The following CALN1 variants were observed in gnomAD, a reference collection of about 807,000 sequenced individuals.
CALN1 encodes calcium-binding protein 8.
CALN1 carries 17 observed loss-of-function variants against 30.6 expected under a neutral mutation model. The observed-to-expected ratio is 0.56, with a 90% CI of 0.38 to 0.83. The LOEUF (loss-of-function observed/expected upper bound fraction) is 0.83, where lower values mean the gene tolerates loss of function less well. Ranked by LOEUF, CALN1 falls within the 40% of genes least tolerant of loss-of-function variation. The pLI is 0.00. For synonymous variants in CALN1, 156 were observed against 131.4 expected (o/e 1.19, Z -1.28); for missense variants, 291 against 354.9 (o/e 0.82, Z 1.45).
At chr7:72,499,698 A>T in the CALN1 span, among the ~76,000 whole-genome samples, 1 of 152,130 alleles carries the variant, frequency 6.6e-6, no homozygotes, top group Non-Finnish European at 1.5e-5. Context: ...ATATAAAAGA[A>T]TCTATAAAAA....
chr7:71,909,974 TAAAGGAGAAGC>T (rs891583759), intron 5 of CALN1, among the ~76,000 whole-genome samples: 4 of 152,110 alleles, frequency 2.6e-5, no homozygotes, highest in Non-Finnish European at 4.4e-5. Context: ...TGGTGTAAGG[TAAAGGAGAAGC>T]AAAGGCACAT....
At chr7:72,405,904 T>G (rs1301031050) in intron 1 of CALN1, among the ~76,000 whole-genome samples, 1 of 152,184 alleles carries the variant, frequency 6.6e-6, no homozygotes, top group Non-Finnish European at 1.5e-5. Context: ...AGTGTGGACA[T>G]CAGAGCAAGG....
chr7:71,920,903 T>A (rs1228787719), intron 5 of CALN1, among the ~76,000 whole-genome samples: 1 of 152,192 alleles, frequency 6.6e-6, no homozygotes, highest in South Asian at 2.1e-4. Flanking sequence ...TACACATGCA[T>A]ACGTATGTTT....
intron 3 of CALN1, among the ~76,000 whole-genome samples, chr7:72,133,469 G>A (rs555032319): frequency 6.6e-6 from 1 of 152,298 alleles, no homozygotes; most frequent in East Asian, 1.9e-4. Context: ...TTGAAAAGAT[G>A]GTGGACTTAG....
chr7:72,182,131 A>G (rs896737084), intron 3 of CALN1, among the ~76,000 whole-genome samples: 6 of 152,220 alleles, frequency 3.9e-5, no homozygotes, highest in Admixed American at 3.9e-4. Flanking sequence ...GAAGAGATTC[A>G]AGGTGAGCCC....
intron 5 of CALN1, among the ~76,000 whole-genome samples, chr7:72,000,705 T>C (rs1799482249): frequency 6.6e-6 from 1 of 151,968 alleles, no homozygotes; most frequent in Middle Eastern, 3.4e-3. Context: ...CAAGGCCTCA[T>C]AACAAAACCA....
chr7:72,174,523 G>A (rs1055211119), intron 3 of CALN1, among the ~76,000 whole-genome samples: 6 of 152,070 alleles, frequency 3.9e-5, no homozygotes, highest in African/African-American at 1.4e-4. Flanking sequence ...CCATCAACAG[G>A]TGGATGGATA....
intron 3 of CALN1, among the ~76,000 whole-genome samples, chr7:72,142,673 C>T (rs956374532): frequency 1.3e-5 from 2 of 152,318 alleles, no homozygotes; most frequent in East Asian, 1.9e-4. Context: ...GAACAGACTG[C>T]CTCCTCAAGT....
intron 4 of CALN1, among the ~76,000 whole-genome samples, chr7:72,061,272 CCTG>C (rs1330919022): frequency 1.3e-5 from 2 of 152,076 alleles, no homozygotes; most frequent in African/African-American, 4.8e-5. Flanking sequence ...GAAAATTTGA[CCTG>C]TATAAGAAAA....
At chr7:71,903,358 T>A (rs965366197) in intron 5 of CALN1, among the ~76,000 whole-genome samples, 4 of 152,060 alleles carry the variant, frequency 2.6e-5, no homozygotes, top group African/African-American at 9.7e-5. Context: ...AATAGACACA[T>A]AGACCCAAGG....
intron 5 of CALN1, among the ~76,000 whole-genome samples, chr7:72,014,213 G>A (rs367926326): frequency 2.6e-5 from 4 of 151,312 alleles, no homozygotes; most frequent in African/African-American, 9.7e-5. Context: ...CAGCCTCCCA[G>A]GTAGCTGGGA....
At chr7:71,984,155 A>T (rs1798544553) in intron 5 of CALN1, among the ~76,000 whole-genome samples, 1 of 152,180 alleles carries the variant, frequency 6.6e-6, no homozygotes, top group African/African-American at 2.4e-5. Context: ...GTGAAACAGC[A>T]CAGATGAGCC....
At chr7:72,050,079 A>G (rs1235293382) in intron 4 of CALN1, among the ~76,000 whole-genome samples, 1 of 151,910 alleles carries the variant, frequency 6.6e-6, no homozygotes, top group African/African-American at 2.4e-5. Context: ...TCGGCCTCCC[A>G]AAGTGCTGGG....
intron 2 of CALN1, among the ~76,000 whole-genome samples, chr7:72,323,670 A>AAT (rs778646972): frequency 0.057 from 8,654 of 150,772 alleles, 344 homozygotes; most frequent in South Asian, 0.1. Context: ...TCAAAAAAAA[A>AAT]AAAATAAAAA....
rs369681182 is a variant in CALN1, at chr7:71,951,612, AAAC to A, written c.501+72042_501+72044del. Among the ~76,000 whole-genome samples the A allele has an allele frequency of 5.8e-3, 878 of 152,232 alleles. 3 individuals are homozygous for A. The highest frequency in any genetic ancestry group is 9.4e-3 in the Non-Finnish European group (641 of 68,008). On this transcript the variant is annotated intron_variant, in intron 5 of 6. Coordinates refer to ENST00000395275, the MANE Select transcript of CALN1 (RefSeq NM_031468.4). ...TCTCAATAACAAACAAACAAAAACA[AAAC>A]AACAACAACAACAAAAAACGAATAA...
At chr7:72,101,014 AGTGCAGTGGC>A (rs1806623383) in intron 4 of CALN1, among the ~76,000 whole-genome samples, 1 of 151,668 alleles carries the variant, frequency 6.6e-6, no homozygotes, top group Admixed American at 6.6e-5. Context: ...CCCAGGCTGG[AGTGCAGTGGC>A]GTGATCTCAG....
At position 71,811,876 on chromosome 7, in the gene CALN1, G is replaced by A. The variant is rs1184267577; in HGVS notation, c.502-1384C>T. Among the ~76,000 whole-genome samples, 6 of 151,230 alleles carry A rather than the reference G, an allele frequency of 4.0e-5. No homozygotes were observed. The South Asian group carries it at 1.0e-3, about 26-fold the overall frequency. ...GTATTTTTAGTAGAGACGGGGTTTCGCCATGTTGGTCAAGCTGGTCTCGAA... is the reference window on the plus strand; with the variant it reads ...GTATTTTTAGTAGAGACGGGGTTTCACCATGTTGGTCAAGCTGGTCTCGAA... On this transcript the variant is annotated intron_variant, in intron 5 of 6. Transcript: ENST00000395275.
At chr7:72,219,686 T>TGCACACATGCAATGC (rs1793122568) in intron 3 of CALN1, among the ~76,000 whole-genome samples, 1 of 58,222 alleles carries the variant, frequency 1.7e-5, no homozygotes, top group South Asian at 6.2e-4. Flanking sequence ...TGCATACACA[T>TGCACACATGCAATGC]GCACACATGC....
At chr7:71,915,857 C>T (rs913705518) in intron 5 of CALN1, among the ~76,000 whole-genome samples, 1 of 152,200 alleles carries the variant, frequency 6.6e-6, no homozygotes, top group Non-Finnish European at 1.5e-5. Context: ...AAACCCATCC[C>T]TCCAACCCAT....
Sources: allele counts gnomAD v4.1 joint callset (sites outside exome capture counted in the v4.1 genomes callset), GRCh38; gene constraint gnomAD v4.1.1; transcripts MANE v1.5; gene names NCBI Gene and HGNC (gene_info 2026-07-23, HGNC 2026-07-21).